Variants in TTLL9 observed in about 807,000 individuals in gnomAD.
TTLL9 encodes the protein tubulin tyrosine ligase like 9, also known as probable tubulin polyglutamylase TTLL9.
TTLL9 carries 47 observed loss-of-function variants against 65.6 expected under a neutral mutation model. The observed-to-expected ratio is 0.72, with a 90% CI of 0.57 to 0.91. The LOEUF (loss-of-function observed/expected upper bound fraction) is 0.91. Ranked by LOEUF, TTLL9 falls within the 40% of genes least tolerant of loss-of-function variation. The pLI is 0.00. For synonymous variants in TTLL9, 179 were observed against 204.8 expected, an observed-to-expected ratio of 0.87 and a Z score of 1.07; for missense variants, 537 against 568.8, an observed-to-expected ratio of 0.94 and a Z score of 0.57.
chr20:31,873,749 G>A (rs562605150), intron 2 of TTLL9, among the ~76,000 whole-genome samples: 4,971 of 125,008 alleles, frequency 0.04, 101 homozygotes, highest in Non-Finnish European at 0.058. Context: ...AGGAAGGAAG[G>A]AAGAAAGAAA....
At chr20:31,875,703 G>A (rs1252599756) in intron 2 of TTLL9, among the ~76,000 whole-genome samples, 1 of 152,108 alleles carries the variant, frequency 6.6e-6, no homozygotes, top group East Asian at 1.9e-4. Flanking sequence ...TATGGCCTGT[G>A]TGTTTTTCAT....
At chr20:31,890,979 G>A (rs1275995129) in intron 3 of TTLL9, among the ~76,000 whole-genome samples, 3 of 152,214 alleles carry the variant, frequency 2.0e-5, no homozygotes, top group African/African-American at 7.2e-5. Context: ...CAACAGTTGT[G>A]CCACAGGTTA....
intron 4 of TTLL9, among the ~76,000 whole-genome samples, chr20:31,900,129 C>A (rs1224155509): frequency 1.3e-5 from 2 of 152,220 alleles, no homozygotes; most frequent in East Asian, 3.9e-4. Flanking sequence ...GCTGAAAATT[C>A]TTTTACTGTA....
At chr20:31,872,082 C>T (rs776879824) in intron 2 of TTLL9, among the ~76,000 whole-genome samples, 8 of 152,038 alleles carry the variant, frequency 5.3e-5, no homozygotes, top group Non-Finnish European at 1.2e-4. Flanking sequence ...CAGCTAGTAG[C>T]TACATATTAG....
chr20:31,911,158 G>C (rs969117763), intron 6 of TTLL9, among the ~76,000 whole-genome samples: 5 of 151,934 alleles, frequency 3.3e-5, no homozygotes, highest in African/African-American at 2.4e-5. Context: ...CTGGGTGAGA[G>C]AGTGAGACTC....
At chr20:31,913,562 G>A (rs986304134) in intron 6 of TTLL9, among the ~76,000 whole-genome samples, 2 of 152,072 alleles carry the variant, frequency 1.3e-5, no homozygotes, top group Non-Finnish European at 2.9e-5. Context: ...GGCAGCCCTC[G>A]GGCATCTCCT....
intron 2 of TTLL9, among the ~76,000 whole-genome samples, chr20:31,882,207 C>T (rs982198952): frequency 2.0e-5 from 3 of 152,132 alleles, no homozygotes; most frequent in African/African-American, 4.8e-5. Flanking sequence ...AGGTTATGGT[C>T]GCCAAGACCT....
intron 2 of TTLL9, among the ~76,000 whole-genome samples, chr20:31,878,767 C>G (rs2063069958): frequency 6.6e-6 from 1 of 152,146 alleles, no homozygotes; most frequent in Non-Finnish European, 1.5e-5. Context: ...TAACCAAGGA[C>G]TCTGAACAAT....
intron 4 of TTLL9, chr20:31,901,374 T>G (rs2063477493): frequency 6.6e-6 from 1 of 152,194 alleles, no homozygotes; most frequent in Admixed American, 6.5e-5. Context: ...AACTCGATTG[T>G]GTAATTTATG....
At chr20:31,915,810 G>A (rs2063726132) in intron 6 of TTLL9, among the ~76,000 whole-genome samples, 2 of 152,062 alleles carry the variant, frequency 1.3e-5, no homozygotes, top group South Asian at 4.2e-4. Flanking sequence ...GTCTGGCACA[G>A]AGTAAACACC....
At chr20:31,920,177 G>A (rs2063795005) in intron 7 of TTLL9, among the ~76,000 whole-genome samples, 1 of 152,102 alleles carries the variant, frequency 6.6e-6, no homozygotes, top group African/African-American at 2.4e-5. Flanking sequence ...CCAGTAAATG[G>A]GGATGGTAAT....
chr20:31,935,053 C>G (rs2064087615), intron 12 of TTLL9, among the ~76,000 whole-genome samples, 165 bp downstream of exon 12: 1 of 152,136 alleles, frequency 6.6e-6, no homozygotes, highest in African/African-American at 2.4e-5. Flanking sequence ...TTGGTCATGA[C>G]AGGATCTATC....
At chr20:31,894,587 T>C (rs2063355683) in intron 3 of TTLL9, among the ~76,000 whole-genome samples, 1 of 152,202 alleles carries the variant, frequency 6.6e-6, no homozygotes, top group Admixed American at 6.5e-5. Flanking sequence ...TGCTATTGCA[T>C]GTGTTATATT....
intron 3 of TTLL9, among the ~76,000 whole-genome samples, chr20:31,897,451 T>C (rs1236252087): frequency 6.6e-6 from 1 of 152,248 alleles, no homozygotes; most frequent in East Asian, 1.9e-4. Flanking sequence ...TAGATTTTAT[T>C]GATCTTTCCA....
intron 4 of TTLL9, among the ~76,000 whole-genome samples, chr20:31,903,169 C>T (rs1039872257): frequency 2.6e-5 from 4 of 152,136 alleles, no homozygotes; most frequent in Non-Finnish European, 4.4e-5. Context: ...CGTACCCACC[C>T]TCACATTTAT....
chr20:31,880,758 A>T (rs1178148895), intron 2 of TTLL9, among the ~76,000 whole-genome samples: 2 of 151,228 alleles, frequency 1.3e-5, no homozygotes, highest in Non-Finnish European at 2.9e-5. Context: ...AAGTGCTAGG[A>T]TTACAGGCGT....
At chr20:31,878,958 A>T in intron 2 of TTLL9, among the ~76,000 whole-genome samples, 1 of 152,232 alleles carries the variant, frequency 6.6e-6, no homozygotes, top group Non-Finnish European at 1.5e-5. Context: ...CTTTATTAAG[A>T]GATGGAAATC....
intron 12 of TTLL9, 24 bp downstream of exon 12, chr20:31,934,912 A>G (rs776653859): frequency 6.3e-7 from 1 of 1,597,820 alleles, no homozygotes; most frequent in East Asian, 2.2e-5. Flanking sequence ...TGGGAGAGCC[A>G]GGAGGTCATA....
chr20:31,887,019 C>T (rs2063199604), intron 2 of TTLL9, among the ~76,000 whole-genome samples, 177 bp from the exon 3 acceptor site: 1 of 152,136 alleles, frequency 6.6e-6, no homozygotes, highest in African/African-American at 2.4e-5. Flanking sequence ...AATTCTGGTC[C>T]ATTTGCTGGG....
Sources: gnomAD v4.1 joint callset for allele counts (sites outside exome capture counted in the v4.1 genomes callset) on GRCh38, gnomAD v4.1.1 for gene constraint, MANE v1.5 for transcripts, NCBI Gene and HGNC (gene_info 2026-07-23, HGNC 2026-07-21) for gene names.